The following DMRTC2 variants were observed in gnomAD, a reference collection of about 807,000 sequenced individuals.
The protein encoded by DMRTC2 is DMRT like family C2, also known as doublesex- and mab-3-related transcription factor C2.
Under a neutral mutation model 39.9 loss-of-function variants are expected in DMRTC2, and 13 were observed. The observed-to-expected ratio is 0.33, with a 90% CI of 0.21 to 0.52. DMRTC2 has a LOEUF of 0.52. DMRTC2 is among the 20% of genes least tolerant of loss of function. The probability of loss-of-function intolerance (pLI) is 0.96; values close to 1 mark genes in which losing one functional copy is unlikely to be tolerated. For synonymous variants in DMRTC2, 189 were observed against 185.2 expected, an observed-to-expected ratio of 1.02 and a Z score of -0.17; for missense variants, 431 against 472.8, an observed-to-expected ratio of 0.91 and a Z score of 0.82.
intron 5 of DMRTC2, 22 bp downstream of exon 5, chr19:41,848,997 C>G (rs906983346): frequency 1.2e-6 from 2 of 1,613,646 alleles, no homozygotes; most frequent in Non-Finnish European, 1.7e-6. Flanking sequence ...ATTCAACATT[C>G]ATTCAACATA....
chr19:41,851,325 G>GT (rs2073953101), intron 8 of DMRTC2: 4 of 455,098 alleles, frequency 8.8e-6, no homozygotes, highest in African/African-American at 7.9e-5. Flanking sequence ...AACAGCAACT[G>GT]TATGTGAAGG....
intron 1 of DMRTC2, among the ~76,000 whole-genome samples, chr19:41,846,576 T>A (rs190194682): frequency 0.071 from 10,230 of 144,200 alleles, 435 homozygotes; most frequent in Middle Eastern, 0.14. Context: ...TAAAAAAAAA[T>A]TTTTTTTTTG....
rs782473934 is a variant in DMRTC2, at chr19:41,847,450, G to T, written c.22G>T (p.Ala8Ser). ...ATCCATGGAACCCAGTGACATGCCT[G>T]CTGGCTACCACTGCCCCTTAGACTC... MEPSDMP[A>S]GYHCPLDSAP... The change falls in exon 2 of 9, where the codon GCT (alanine) becomes TCT (serine). Residue 8 changes from alanine to serine, a missense_variant. By Grantham distance (99) the Ala-to-Ser change is moderately conservative (BLOSUM62 1). Coordinates refer to ENST00000269945, the MANE Select transcript of DMRTC2 (RefSeq NM_001040283.3). 6 of 1,577,812 alleles carry T rather than the reference G, an allele frequency of 3.8e-6. No individual in the cohort carries two copies. Among genetic ancestry groups the T allele is most frequent in the South Asian group, 1.2e-5 (1 of 86,596 alleles).
intron 3 of DMRTC2, 97 bp from the exon 4 acceptor site, chr19:41,848,355 A>C (rs1212190845): frequency 9.0e-7 from 1 of 1,106,752 alleles, no homozygotes. Flanking sequence ...CAAAAAAAAA[A>C]AATGAGCTAG....
At position 41,850,547 on chromosome 19, in the gene DMRTC2, G is replaced by T. The variant is rs782461977; in HGVS notation, c.838G>T (p.Ala280Ser). 16 of 1,612,946 alleles carry T rather than the reference G, an allele frequency of 9.9e-6. No individual in the cohort carries two copies. The highest frequency in any genetic ancestry group is 1.4e-5 in the Non-Finnish European group (16 of 1,179,606). Residue 280 changes from alanine to serine, a missense_variant, in exon 8 of 9, where the codon GCC becomes TCC. Ala to Ser is a moderately conservative substitution (Grantham distance 99). Transcript: ENST00000269945. ...GCAGGCCTCTGGAGCCTCGTGCCTGGCCCGGACATCTGGCCCCTCAGAGTG... is the reference window on the plus strand; with the variant it reads ...GCAGGCCTCTGGAGCCTCGTGCCTGTCCCGGACATCTGGCCCCTCAGAGTG... ...QPQASGASCL[A>S]RTSGPSEWQL...
intron 1 of DMRTC2, among the ~76,000 whole-genome samples, chr19:41,846,385 G>A (rs1052211263): frequency 1.3e-5 from 2 of 151,954 alleles, no homozygotes; most frequent in Non-Finnish European, 2.9e-5. Context: ...GAAAGTGTTT[G>A]GATTGAAAGA....
chr19:41,845,386 C>G (rs2073809057), intron 1 of DMRTC2: 1 of 152,260 alleles, frequency 6.6e-6, no homozygotes. Flanking sequence ...CATGTTTACA[C>G]AAAAACCTGA....
chr19:41,847,879 C>G lies in DMRTC2; in HGVS notation c.368C>G (p.Pro123Arg). 6.3e-7 allele frequency: 1 copy of G among 1,580,580 alleles called. No individual in the cohort carries two copies. Among genetic ancestry groups the G allele is most frequent in the Non-Finnish European group, 8.6e-7 (1 of 1,162,532 alleles). ...FRKGTTQPQV[P>R]SGKENIAPQP... ...AAGGGAACCACTCAGCCACAGGTCC[C>G]CTGTGAGTGTCTCTGACCAGCGATG... The change falls in exon 3 of 9, where the codon CCC becomes CGC. Residue 123 changes from proline to arginine, a missense_variant and splice_region_variant. Physicochemically the swap from Pro to Arg is moderately radical, Grantham distance 103. Coordinates refer to ENST00000269945, the MANE Select transcript of DMRTC2 (RefSeq NM_001040283.3).
intron 6 of DMRTC2, among the ~76,000 whole-genome samples, chr19:41,849,671 C>G (rs530462582): frequency 6.6e-6 from 1 of 152,260 alleles, no homozygotes; most frequent in East Asian, 1.9e-4. Context: ...AAAAGCTTCC[C>G]AAAGGTGAGC....
intron 7 of DMRTC2, 30 bp downstream of exon 7, chr19:41,850,402 C>T: frequency 6.4e-7 from 1 of 1,564,358 alleles, no homozygotes; most frequent in African/African-American, 1.4e-5. Context: ...ATCTAGGGCC[C>T]TGGGAGGAGG....
In DMRTC2 at chr19:41,847,419, C is replaced by T. The variant is rs1397826052; in HGVS notation, c.-4-6C>T. ...GGCTATGCTTACCTTCCACTCCTGC[C>T]CCTAGATCCATGGAACCCAGTGACA... On this transcript the variant is annotated splice_region_variant and splice_polypyrimidine_tract_variant and intron_variant, in intron 1 of 8. Coordinates refer to ENST00000269945, the MANE Select transcript of DMRTC2 (RefSeq NM_001040283.3). 3 of 1,551,168 alleles carry T rather than the reference C, an allele frequency of 1.9e-6. No individual in the cohort carries two copies. Among genetic ancestry groups the T allele is most frequent in the African/African-American group, 2.7e-5 (2 of 73,360 alleles).
chr19:41,849,015 G>A, intron 5 of DMRTC2, 40 bp downstream of exon 5: 1 of 1,612,540 alleles, frequency 6.2e-7, no homozygotes, highest in African/African-American at 1.3e-5. Flanking sequence ...ATATATTTGA[G>A]TGCCAATCTG....
Position 41,851,722 on chromosome 19 carries a change from C to T in DMRTC2, c.*26C>T, listed in dbSNP as rs2073960006. ...AAACCCAGAGATGGAGGCTGTCTTG[C>T]TATGGCAGGGAGGTGACAGCCTGCT... On this transcript the variant is annotated 3_prime_UTR_variant, in exon 9 of 9. Transcript: ENST00000269945. 6.2e-7 allele frequency: 1 copy of T among 1,602,452 alleles called. No individual in the cohort carries two copies. Among genetic ancestry groups the T allele is most frequent in the Non-Finnish European group, 8.6e-7 (1 of 1,169,572 alleles).
At chr19:41,845,473 CAG>C (rs1253375603) in intron 1 of DMRTC2, 1 of 152,312 alleles carries the variant, frequency 6.6e-6, no homozygotes, top group African/African-American at 2.4e-5. Flanking sequence ...TAGCACATGA[CAG>C]GGGCTCAGTA....
chr19:41,851,998 T>C lies in DMRTC2; in HGVS notation c.*302T>C. 1 of 322,928 alleles carries C rather than the reference T, an allele frequency of 3.1e-6. No individual in the cohort carries two copies. Among genetic ancestry groups the C allele is most frequent in the Non-Finnish European group, 5.7e-6 (1 of 174,362 alleles). The allele number at this position is 322,928 out of a possible 1,614,324, so 20.0% of individuals were successfully genotyped here. A position where few individuals can be genotyped will look rare whatever the true frequency, so the allele number is the denominator to read the frequency against. ...TGTGCTATTTAAGCTGACCAGTATCTATAAACGTGTTTGCATGAGTTTACA... is the reference window on the plus strand; with the variant it reads ...TGTGCTATTTAAGCTGACCAGTATCCATAAACGTGTTTGCATGAGTTTACA... On this transcript the variant is annotated 3_prime_UTR_variant, in exon 9 of 9. Transcript: ENST00000269945.
intron 4 of DMRTC2, 32 bp from the exon 5 acceptor site, chr19:41,848,763 C>T (rs2073907856): frequency 6.2e-7 from 1 of 1,606,196 alleles, no homozygotes; most frequent in African/African-American, 1.3e-5. Context: ...AGCCTTGTAC[C>T]CAACTCCAGC....
chr19:41,848,418 A>G, intron 3 of DMRTC2, 34 bp from the exon 4 acceptor site: 5 of 1,564,996 alleles, frequency 3.2e-6, no homozygotes, highest in Non-Finnish European at 4.3e-6. Flanking sequence ...GTCAGGAGAA[A>G]GGGCTCATTA....
intron 8 of DMRTC2, 164 bp from the exon 9 acceptor site, chr19:41,851,420 C>T (rs1163099478): frequency 2.2e-5 from 13 of 601,338 alleles, no homozygotes; most frequent in East Asian, 2.8e-5. Flanking sequence ...CTTTGATGGA[C>T]GGTTTGGAGG....
chr19:41,846,973 C>A (rs1555836047), intron 1 of DMRTC2, among the ~76,000 whole-genome samples: 1 of 151,666 alleles, frequency 6.6e-6, no homozygotes, highest in African/African-American at 2.4e-5. Context: ...GCCAGGAGTT[C>A]GAGACCAGCC....
Sources: gnomAD v4.1 joint callset for allele counts (sites outside exome capture counted in the v4.1 genomes callset) on GRCh38, gnomAD v4.1.1 for gene constraint, MANE v1.5 for transcripts, NCBI Gene and HGNC (gene_info 2026-07-23, HGNC 2026-07-21) for gene names.